Variants in NRXN3 observed in about 807,000 individuals in gnomAD.
NRXN3 encodes neurexin 3, also known as neurexin III.
A neutral mutation model predicts 137.6 loss-of-function variants in NRXN3; 32 were observed. The observed-to-expected ratio is 0.23, with a 90% CI of 0.18 to 0.31. The LOEUF (loss-of-function observed/expected upper bound fraction) is 0.31. Ranked by LOEUF, NRXN3 falls within the 10% of genes least tolerant of loss-of-function variation. The probability of loss-of-function intolerance (pLI) is 1.00; values close to 1 mark genes in which losing one functional copy is unlikely to be tolerated. For missense variants in NRXN3, 1,574 were observed against 2,062.5 expected (o/e 0.76, Z 4.59); for synonymous variants, 798 against 784.5 (o/e 1.02, Z -0.29).
intron 4 of NRXN3, among the ~76,000 whole-genome samples, chr14:78,504,860 T>C (rs2095953840): frequency 1.3e-5 from 2 of 152,230 alleles, no homozygotes; most frequent in East Asian, 1.9e-4. Context: ...TGTCTAAAGA[T>C]AGACCTTCAA....
chr14:78,313,201 G>A (rs1044519530), intron 4 of NRXN3, among the ~76,000 whole-genome samples: 1 of 152,172 alleles, frequency 6.6e-6, no homozygotes, highest in Non-Finnish European at 1.5e-5. Context: ...GGATTCACAG[G>A]CTTACTGTCT....
intron 1 of NRXN3, among the ~76,000 whole-genome samples, chr14:78,182,595 G>A (rs1190628078): frequency 6.6e-6 from 1 of 152,006 alleles, no homozygotes; most frequent in Non-Finnish European, 1.5e-5. Flanking sequence ...TCAGCCTCCC[G>A]AGTAGCTGGG....
At chr14:78,713,502 C>T (rs2098418698) in intron 7 of NRXN3, among the ~76,000 whole-genome samples, 1 of 152,192 alleles carries the variant, frequency 6.6e-6, no homozygotes, top group Admixed American at 6.5e-5. Flanking sequence ...AACTAGCACA[C>T]CACCCATTTT....
At chr14:78,860,739 C>A (rs1751874746) in intron 10 of NRXN3, among the ~76,000 whole-genome samples, 1 of 151,538 alleles carries the variant, frequency 6.6e-6, no homozygotes, top group Non-Finnish European at 1.5e-5. Context: ...CTATTATTAC[C>A]TGAAAGTGGA....
chr14:79,524,885 T>C (rs962105468), intron 16 of NRXN3, among the ~76,000 whole-genome samples: 3 of 152,178 alleles, frequency 2.0e-5, no homozygotes, highest in African/African-American at 7.2e-5. Context: ...GATCTAATGG[T>C]AATGGACTGA....
intron 15 of NRXN3, among the ~76,000 whole-genome samples, chr14:79,386,704 C>A (rs2094630191): frequency 6.6e-6 from 1 of 152,056 alleles, no homozygotes; most frequent in African/African-American, 2.4e-5. Flanking sequence ...TCAAACTATA[C>A]TACAAGGCTA....
At chr14:78,469,841 G>C (rs982379692) in intron 4 of NRXN3, among the ~76,000 whole-genome samples, 2 of 152,186 alleles carry the variant, frequency 1.3e-5, no homozygotes, top group Non-Finnish European at 2.9e-5. Context: ...TGAGATCTCA[G>C]TATTTGTTTT....
chr14:79,365,124 G>A (rs1815018981), intron 15 of NRXN3, among the ~76,000 whole-genome samples: 1 of 152,128 alleles, frequency 6.6e-6, no homozygotes, highest in Non-Finnish European at 1.5e-5. Flanking sequence ...TCGGGTGGTG[G>A]TGTTTAGTTT....
chr14:78,624,584 C>T (rs2097436918), intron 4 of NRXN3, among the ~76,000 whole-genome samples: 3 of 152,178 alleles, frequency 2.0e-5, no homozygotes, highest in Admixed American at 2.0e-4. Flanking sequence ...GGAAGAGGCT[C>T]ACACAGCCTT....
chr14:78,315,983 T>G (rs2078667333), intron 4 of NRXN3, among the ~76,000 whole-genome samples: 1 of 152,198 alleles, frequency 6.6e-6, no homozygotes, highest in South Asian at 2.1e-4. Flanking sequence ...ATGAAGCCCC[T>G]TCCTGTAAAG....
intron 15 of NRXN3, among the ~76,000 whole-genome samples, chr14:79,346,739 G>A (rs553117805): frequency 4.6e-5 from 7 of 152,048 alleles, no homozygotes; most frequent in Non-Finnish European, 1.0e-4. Context: ...ATCACTCCTC[G>A]TTATCCAGGG....
rs568248746 is a variant in NRXN3 at position 79,646,359 on chromosome 14, C to T, written c.3445-17419C>T. On this transcript the variant is annotated intron_variant, in intron 16 of 20. Coordinates refer to ENST00000335750, the MANE Select transcript of NRXN3 (RefSeq NM_001330195.2). ...AGTTCATGTTGCAAAGAAAGTTCCACGGGCCTACTGAAATATTACCAATCA... is the reference window on the plus strand; with the variant it reads ...AGTTCATGTTGCAAAGAAAGTTCCATGGGCCTACTGAAATATTACCAATCA... Among the ~76,000 whole-genome samples the T allele has an allele frequency of 5.0e-4, 68 of 135,580 alleles. 18 individuals are homozygous for T. Among genetic ancestry groups the T allele is most frequent in the Admixed American group, 1.6e-3 (21 of 12,754 alleles). 88.9% of individuals were successfully genotyped at this position (135,580 alleles called of 152,430 possible).
intron 16 of NRXN3, among the ~76,000 whole-genome samples, chr14:79,518,475 T>C (rs1326343142): frequency 6.6e-6 from 1 of 152,146 alleles, no homozygotes; most frequent in Non-Finnish European, 1.5e-5. Flanking sequence ...TACCTAATTA[T>C]GAATGGTTCT....
intron 16 of NRXN3, among the ~76,000 whole-genome samples, chr14:79,656,268 C>A (rs551489996): frequency 1.1e-3 from 160 of 152,252 alleles, no homozygotes; most frequent in African/African-American, 3.8e-3. Context: ...GGATTTTAGT[C>A]AGCACTGCCC....
chr14:78,573,348 T>C (rs1212018488), intron 4 of NRXN3, among the ~76,000 whole-genome samples: 1 of 151,936 alleles, frequency 6.6e-6, no homozygotes, highest in Non-Finnish European at 1.5e-5. Flanking sequence ...GGTTGGAACA[T>C]GTTGGAGAGC....
At chr14:79,009,040 G>T (rs1280815633) in intron 15 of NRXN3, among the ~76,000 whole-genome samples, 1 of 152,134 alleles carries the variant, frequency 6.6e-6, no homozygotes, top group Non-Finnish European at 1.5e-5. Context: ...CTAACCGTGA[G>T]ATAGTCCTGC....
chr14:79,361,373 A>T (rs1248597198), intron 15 of NRXN3, among the ~76,000 whole-genome samples: 1 of 152,154 alleles, frequency 6.6e-6, no homozygotes, highest in Non-Finnish European at 1.5e-5. Context: ...ATTGCTTGTT[A>T]TAAATAGAAT....
chr14:78,231,796 C>T (rs1048125954), intron 1 of NRXN3, among the ~76,000 whole-genome samples: 3 of 152,194 alleles, frequency 2.0e-5, no homozygotes, highest in South Asian at 2.1e-4. Context: ...TGGCATAGCG[C>T]GTTGCCCAGA....
intron 10 of NRXN3, among the ~76,000 whole-genome samples, chr14:78,942,180 A>G (rs1020191861): frequency 4.7e-4 from 71 of 152,334 alleles, no homozygotes; most frequent in African/African-American, 1.7e-3. Context: ...CTTCCCTTCA[A>G]GTATGGATTC....
Sources: gnomAD v4.1 joint callset for allele counts (sites outside exome capture counted in the v4.1 genomes callset) on GRCh38, gnomAD v4.1.1 for gene constraint, MANE v1.5 for transcripts, NCBI Gene and HGNC (gene_info 2026-07-23, HGNC 2026-07-21) for gene names.